Variants in IMMP2L observed in about 807,000 individuals in gnomAD.
IMMP2L encodes mitochondrial inner membrane protease subunit 2.
Under a neutral mutation model 19.3 loss-of-function variants are expected in IMMP2L, and 18 were observed. That is an observed-to-expected ratio of 0.93 (90% CI 0.64 to 1.38). IMMP2L has a LOEUF of 1.38. Among genes scored for constraint, IMMP2L ranks in the 40% most tolerant of loss-of-function variants. The pLI, the probability that IMMP2L is intolerant of heterozygous loss-of-function variation, is 0.00. For missense variants in IMMP2L, 233 were observed against 218.2 expected (o/e 1.07, Z -0.43); for synonymous variants, 76 against 73.0 (o/e 1.04, Z -0.21).
chr7:110,797,498 T>C (rs913309348), intron 5 of IMMP2L, among the ~76,000 whole-genome samples: 1 of 152,022 alleles, frequency 6.6e-6, no homozygotes, highest in African/African-American at 2.4e-5. Flanking sequence ...GCAGATAAAA[T>C]TCATCTTATG....
intron 5 of IMMP2L, among the ~76,000 whole-genome samples, chr7:110,802,443 A>AT (rs1259960111): frequency 6.6e-6 from 1 of 150,430 alleles, no homozygotes; most frequent in African/African-American, 2.4e-5. Flanking sequence ...GTTAGGTGGC[A>AT]TTTTTTTGTT....
chr7:110,673,387 G>A (rs1445890034), intron 5 of IMMP2L, among the ~76,000 whole-genome samples: 11 of 152,192 alleles, frequency 7.2e-5, no homozygotes, highest in African/African-American at 2.7e-4. Flanking sequence ...GTGATGGGAG[G>A]GGCTGCCATG....
chr7:111,306,264 A>G (rs761581580), intron 3 of IMMP2L, among the ~76,000 whole-genome samples: 4 of 152,194 alleles, frequency 2.6e-5, no homozygotes, highest in Non-Finnish European at 5.9e-5. Flanking sequence ...CCAAAGCCAT[A>G]GAATGTACAA....
chr7:110,869,060 T>C (rs1049235488), intron 5 of IMMP2L, among the ~76,000 whole-genome samples: 1 of 152,100 alleles, frequency 6.6e-6, no homozygotes, highest in Non-Finnish European at 1.5e-5. Context: ...TCATTTTTAC[T>C]ATATAAATAG....
At chr7:110,990,168 C>T (rs913698510) in intron 3 of IMMP2L, among the ~76,000 whole-genome samples, 1 of 152,096 alleles carries the variant, frequency 6.6e-6, no homozygotes, top group Non-Finnish European at 1.5e-5. Context: ...TATATACATA[C>T]TGTGACAATA....
rs80263254 is a variant in IMMP2L, at chr7:111,530,135, T to C, written c.-2-8686A>G. On this transcript the variant is annotated intron_variant, in intron 1 of 5. Transcript: ENST00000405709. ...CAGTTCAAATCGTGATTCAACAGTG[T>C]GGAAATTACTTTATCTCAGTAAGCA... Among the ~76,000 whole-genome samples, 324 of 152,286 alleles carry C rather than the reference T, an allele frequency of 2.1e-3. 3 individuals carry two copies. The highest frequency in any genetic ancestry group is 7.4e-3 in the African/African-American group (307 of 41,558).
At chr7:110,768,310 A>G (rs1035607151) in intron 5 of IMMP2L, among the ~76,000 whole-genome samples, 1 of 52,714 alleles carries the variant, frequency 1.9e-5, no homozygotes, top group Admixed American at 2.0e-4. Context: ...AAAGAAAGGA[A>G]AAAAAAAAAA....
At chr7:111,268,405 A>G (rs568071837) in intron 3 of IMMP2L, among the ~76,000 whole-genome samples, 1 of 147,890 alleles carries the variant, frequency 6.8e-6, no homozygotes, top group East Asian at 2.1e-4. Context: ...GGCTTCAGCT[A>G]TGTGGTGGCA....
At chr7:111,527,253 CT>C (rs761707192) in intron 1 of IMMP2L, among the ~76,000 whole-genome samples, 84 of 152,110 alleles carry the variant, frequency 5.5e-4, no homozygotes, top group Admixed American at 4.5e-3. Context: ...ACTTCCATCT[CT>C]AAAAATTTAA....
chr7:111,178,332 C>T (rs778895140), intron 3 of IMMP2L, among the ~76,000 whole-genome samples: 1 of 152,020 alleles, frequency 6.6e-6, no homozygotes. Context: ...ATCATCTGAG[C>T]GTTCGGCCAG....
intron 3 of IMMP2L, among the ~76,000 whole-genome samples, chr7:111,219,876 G>A (rs1301893172): frequency 6.6e-6 from 1 of 151,960 alleles, no homozygotes; most frequent in East Asian, 1.9e-4. Context: ...GCAAGAAAGT[G>A]ATCTTAGAGT....
chr7:110,774,752 G>A (rs1017117922), intron 5 of IMMP2L, among the ~76,000 whole-genome samples: 2 of 151,980 alleles, frequency 1.3e-5, no homozygotes, highest in East Asian at 1.9e-4. Context: ...TATAGCCTAG[G>A]TGTATAGTAG....
intron 3 of IMMP2L, among the ~76,000 whole-genome samples, chr7:111,019,157 G>A (rs1160545922): frequency 1.3e-5 from 2 of 152,254 alleles, no homozygotes; most frequent in African/African-American, 4.8e-5. Context: ...GTTGAATGAG[G>A]ATGGAGGGTA....
intron 1 of IMMP2L, among the ~76,000 whole-genome samples, chr7:111,556,009 T>TGTGA (rs1791256327): frequency 3.0e-5 from 2 of 65,852 alleles, no homozygotes; most frequent in African/African-American, 5.5e-5. Flanking sequence ...ATCCCTCTTC[T>TGTGA]GTGTGCATGT....
intron 3 of IMMP2L, among the ~76,000 whole-genome samples, chr7:111,089,945 G>T (rs1236169736): frequency 6.6e-6 from 1 of 151,730 alleles, no homozygotes; most frequent in East Asian, 1.9e-4. Flanking sequence ...GCAATTAGAT[G>T]TGAAGGTTTT....
chr7:111,432,103 T>G (rs1197362675), intron 3 of IMMP2L, among the ~76,000 whole-genome samples: 1 of 151,656 alleles, frequency 6.6e-6, no homozygotes, highest in Non-Finnish European at 1.5e-5. Context: ...AGAGGAGGAA[T>G]AGGGAAAGGT....
At chr7:111,497,456 G>T (rs184275210) in intron 2 of IMMP2L, among the ~76,000 whole-genome samples, 406 of 152,172 alleles carry the variant, frequency 2.7e-3, no homozygotes, top group Middle Eastern at 0.017. Flanking sequence ...TTTAGCAATG[G>T]TTAAACTTTA....
At chr7:110,976,728 A>G (rs1563127836) in intron 3 of IMMP2L, among the ~76,000 whole-genome samples, 2 of 152,002 alleles carry the variant, frequency 1.3e-5, no homozygotes, top group Non-Finnish European at 2.9e-5. Context: ...CTGATGCAGG[A>G]AGTCTAGTCC....
chr7:110,980,360 C>G (rs1210056324), intron 3 of IMMP2L, among the ~76,000 whole-genome samples: 3 of 151,206 alleles, frequency 2.0e-5, no homozygotes, highest in Middle Eastern at 3.2e-3. Context: ...CTCCGAGTAG[C>G]TGGGACTACA....
Sources: allele counts gnomAD v4.1 joint callset (sites outside exome capture counted in the v4.1 genomes callset), GRCh38; gene constraint gnomAD v4.1.1; transcripts MANE v1.5; gene names NCBI Gene and HGNC (gene_info 2026-07-23, HGNC 2026-07-21).